The following ZNF516 variants were observed in gnomAD, a reference collection of about 807,000 sequenced individuals.
The protein encoded by ZNF516 is zinc finger protein 516.
ZNF516 carries 19 observed loss-of-function variants against 79.7 expected under a neutral mutation model. That is an observed-to-expected ratio of 0.24 (90% CI 0.17 to 0.35). The LOEUF (loss-of-function observed/expected upper bound fraction) is 0.35, where lower values mean the gene tolerates loss of function less well. Ranked by LOEUF, ZNF516 falls within the 10% of genes least tolerant of loss-of-function variation. ZNF516 has a pLI of 1.00. For missense variants in ZNF516, 1,678 were observed against 1,679.5 expected (o/e 1.00, Z 0.02); for synonymous variants, 877 against 739.5 (o/e 1.19, Z -3.02).
chr18:76,427,524 A>G (rs2075611385), intron 3 of ZNF516, among the ~76,000 whole-genome samples: 1 of 152,256 alleles, frequency 6.6e-6, no homozygotes, highest in South Asian at 2.1e-4. Context: ...GGGTTAACAC[A>G]ATGTGGAATA....
rs1915365289 is a variant in ZNF516, at chr18:76,493,768, T to C, written c.-272+1376A>G. 6.6e-6 allele frequency: 1 copy of C among 152,280 alleles called. No individual in the cohort carries two copies. 9.4% of individuals were successfully genotyped at this position (152,280 alleles called of 1,614,324 possible). ...TTCCACTTTATAAATGCTGATCTGT[T>C]CTGCCTCTACTCCCACAGGCTCTTA... On this transcript the variant is annotated intron_variant, in intron 1 of 6. Transcript: ENST00000443185. This position sits in a 1 kb window ranked among gnomAD's most constrained non-coding sequence, Gnocchi z 5.2.
intron 6 of ZNF516, among the ~76,000 whole-genome samples, chr18:76,369,627 T>C (rs2074670408): frequency 6.6e-6 from 1 of 152,178 alleles, no homozygotes; most frequent in Non-Finnish European, 1.5e-5. Context: ...AGGTCTTAAC[T>C]GCCCTCATCC....
chr18:76,495,267 G>A (rs865781799), upstream of ZNF516: 6 of 145,544 alleles, frequency 4.1e-5, no homozygotes, highest in South Asian at 1.3e-3. Flanking sequence ...AGCTGCGCCC[G>A]GGCGCGGGGG....
chr18:76,458,142 A>T (rs888063861), intron 2 of ZNF516, among the ~76,000 whole-genome samples: 2 of 152,216 alleles, frequency 1.3e-5, no homozygotes, highest in African/African-American at 4.8e-5. Context: ...GTCCTCAGTT[A>T]ACATCATCTA....
rs376336235 is a variant in ZNF516 at position 76,385,298 on chromosome 18, G to A, written c.1811-4995C>T. Among the ~76,000 whole-genome samples the A allele has an allele frequency of 7.9e-3, 1,204 of 152,298 alleles. 6 individuals carry two copies. Among genetic ancestry groups the A allele is most frequent in the Middle Eastern group, 0.014 (4 of 294 alleles). ...AGCTGGCCCTGGCCTGGCTGGTGCC[G>A]CACACCGCCGACAAGCATGTTTCAC... is the stretch of plus-strand genomic sequence containing the variant. On this transcript the variant is annotated intron_variant, in intron 3 of 6. Transcript: ENST00000443185.
rs61233300 is a variant in ZNF516, at chr18:76,360,646, AATATATATATATATAT to A, written c.*1836_*1851del. The A allele has an allele frequency of 5.5e-5, 4 of 72,494 alleles. No individual in the cohort carries two copies. Among genetic ancestry groups the A allele is most frequent in the Admixed American group, 4.1e-4 (3 of 7,364 alleles). The allele number at this position is 72,494 out of a possible 1,614,324, so 4.5% of individuals were successfully genotyped here. On this transcript the variant is annotated 3_prime_UTR_variant, in exon 7 of 7. Transcript: ENST00000443185. ...AAAAAAATAAGTAAAAAAAAAAAAA[AATATATATATATATAT>A]ATATATATATATATATAAGCTAGCC...
chr18:76,397,531 A>T (rs776547632), intron 3 of ZNF516, among the ~76,000 whole-genome samples: 63 of 152,248 alleles, frequency 4.1e-4, no homozygotes, highest in Non-Finnish European at 7.9e-4. Flanking sequence ...ATCTACTAAC[A>T]TAAACAACTT....
chr18:76,482,040 C>T (rs1389141056), intron 1 of ZNF516, among the ~76,000 whole-genome samples: 1 of 152,180 alleles, frequency 6.6e-6, no homozygotes, highest in East Asian at 1.9e-4. Context: ...TAAGAATATA[C>T]AGCCTGTATT....
chr18:76,458,862 T>G (rs904633863), intron 2 of ZNF516, among the ~76,000 whole-genome samples: 1 of 145,692 alleles, frequency 6.9e-6, no homozygotes, highest in Admixed American at 6.8e-5. Context: ...CTGTAGGCAA[T>G]GCCAGGCCTC....
At chr18:76,452,216 G>T (rs1436023103) in intron 2 of ZNF516, among the ~76,000 whole-genome samples, 1 of 152,188 alleles carries the variant, frequency 6.6e-6, no homozygotes, top group Non-Finnish European at 1.5e-5. Context: ...CTGATGTGGG[G>T]GCAGCCAGAG....
intron 1 of ZNF516, among the ~76,000 whole-genome samples, chr18:76,489,563 T>G (rs893903275): frequency 2.7e-5 from 4 of 149,822 alleles, no homozygotes; most frequent in African/African-American, 7.5e-5. Flanking sequence ...TCAGTCAATT[T>G]TGGTCTCTGG....
chr18:76,446,040 C>T (rs144725148), intron 2 of ZNF516, among the ~76,000 whole-genome samples: 1 of 152,372 alleles, frequency 6.6e-6, no homozygotes, highest in African/African-American at 2.4e-5. Flanking sequence ...GCATTCAGCA[C>T]AAAGTGCACA....
intron 1 of ZNF516, among the ~76,000 whole-genome samples, chr18:76,488,585 G>T (rs1050553036): frequency 2.6e-5 from 4 of 152,122 alleles, no homozygotes; most frequent in African/African-American, 9.7e-5. Flanking sequence ...AATTGAGTGT[G>T]TCAGAATAGC....
chr18:76,405,940 G>A (rs1328637329), intron 3 of ZNF516, among the ~76,000 whole-genome samples: 6 of 152,048 alleles, frequency 3.9e-5, no homozygotes, highest in Admixed American at 1.3e-4. Context: ...GCTTCTGCAC[G>A]GACTGATCAG....
At chr18:76,403,750 G>A (rs1055633532) in intron 3 of ZNF516, among the ~76,000 whole-genome samples, 4 of 152,132 alleles carry the variant, frequency 2.6e-5, no homozygotes, top group Admixed American at 1.3e-4. Flanking sequence ...TACCACGAGC[G>A]AAACACATTA....
Position 76,441,459 on chromosome 18 carries a change from C to T in ZNF516, c.1596G>A (p.Leu532=), listed in dbSNP as rs766904884. 6.2e-7 allele frequency: 1 copy of T among 1,605,370 alleles called. No individual in the cohort carries two copies. Among genetic ancestry groups the T allele is most frequent in the Non-Finnish European group, 8.5e-7 (1 of 1,177,272 alleles). Residue 532 remains leucine, a synonymous_variant, in exon 3 of 7, where the codon CTG becomes CTA. Transcript: ENST00000443185. ...GCGCGCGGCGATGCACGCGTGAGTG[C>T]AGCACCATCTGATGATAGGTGCGGA... ...KIFRTYHQMV[L]HSRVHRRARR...
At chr18:76,435,205 C>T (rs548966905) in intron 3 of ZNF516, among the ~76,000 whole-genome samples, 7 of 152,258 alleles carry the variant, frequency 4.6e-5, no homozygotes, top group South Asian at 4.1e-4. Context: ...GTTTGTTTCA[C>T]GGTACCAAGT....
At chr18:76,392,530 G>A (rs2075089314) in intron 3 of ZNF516, among the ~76,000 whole-genome samples, 2 of 144,344 alleles carry the variant, frequency 1.4e-5, no homozygotes, top group Admixed American at 6.8e-5. Flanking sequence ...CCAGGTGGGG[G>A]AAAGGTGGAT....
chr18:76,460,953 C>A (rs1243942473), intron 2 of ZNF516, among the ~76,000 whole-genome samples: 2 of 152,108 alleles, frequency 1.3e-5, no homozygotes, highest in African/African-American at 4.8e-5. Context: ...GAACCCGAGG[C>A]AAGTGGATCA....
Sources: allele counts gnomAD v4.1 joint callset (sites outside exome capture counted in the v4.1 genomes callset), GRCh38; gene constraint gnomAD v4.1.1; non-coding constraint Gnocchi (gnomAD v3.1); transcripts MANE v1.5; gene names NCBI Gene and HGNC (gene_info 2026-07-23, HGNC 2026-07-21).